Variants in PDXK observed in about 807,000 individuals in gnomAD.
PDXK encodes the protein pyridoxal kinase, also known as epididymis secretory sperm binding protein Li 1a.
PDXK carries 15 observed loss-of-function variants against 43.2 expected under a neutral mutation model. The ratio of observed to expected loss-of-function variants is 0.35; its 90% confidence interval spans 0.23 to 0.53. The LOEUF is 0.53. Among genes scored for constraint, PDXK ranks in the 20% least tolerant of loss-of-function variants. The pLI is 0.92. For missense variants in PDXK, 343 were observed against 417.0 expected, an observed-to-expected ratio of 0.82 and a Z score of 1.54; for synonymous variants, 172 against 165.4, an observed-to-expected ratio of 1.04 and a Z score of -0.31.
At position 43,753,796 on chromosome 21, in the gene PDXK, G is replaced by T. The variant is rs544355189; in HGVS notation, c.759+77G>T. 1.5e-5 allele frequency: 22 copies of T among 1,471,822 alleles called. No individual in the cohort carries two copies. In the Admixed American group the frequency reaches 3.4e-4, roughly 23 times the overall value. The allele number at this position is 1,471,822 out of a possible 1,614,324, so 91.2% of individuals were successfully genotyped here. A position where few individuals can be genotyped will look rare whatever the true frequency, so the allele number is the denominator to read the frequency against. On this transcript the variant is annotated intron_variant, in intron 9 of 10. Coordinates refer to ENST00000291565, the MANE Select transcript of PDXK (RefSeq NM_003681.5). ...GGGAGCAGGATATGAGAGTCCTGGTGGGGGGTCCCTGCTGAGCTGACAGGG... is the reference window on the plus strand; with the variant it reads ...GGGAGCAGGATATGAGAGTCCTGGTTGGGGGTCCCTGCTGAGCTGACAGGG...
In PDXK at chr21:43,759,850, C is replaced by G. The variant is rs1311867219; in HGVS notation, c.*3787C>G. ...CTGGAGAGGCGGCTCCCGTGTCCGT[C>G]CACCGAGCACTCAGATGGATGCTGA... is the stretch of plus-strand genomic sequence containing the variant. On this transcript the variant is annotated 3_prime_UTR_variant, in exon 11 of 11. Transcript: ENST00000291565. The G allele has an allele frequency of 6.6e-6, 1 of 152,226 alleles. No individual in the cohort carries two copies. The highest frequency in any genetic ancestry group is 1.5e-5 in the Non-Finnish European group (1 of 68,052). The allele number at this position is 152,226 out of a possible 1,614,324, so 9.4% of individuals were successfully genotyped here.
chr21:43,756,923 T>G lies in PDXK; in HGVS notation c.*860T>G, dbSNP rs934489434. On this transcript the variant is annotated 3_prime_UTR_variant, in exon 11 of 11. Transcript: ENST00000291565. ...ATCCGTGGTGCAGCAGGCTGAGCAC[T>G]GCGCGTTTGCCACGTGCTGCCCGTG... 2 of 152,358 alleles carry G rather than the reference T, an allele frequency of 1.3e-5. No individual in the cohort carries two copies. The highest frequency in any genetic ancestry group is 2.9e-5 in the Non-Finnish European group (2 of 68,116). The allele number at this position is 152,358 out of a possible 1,614,324, so 9.4% of individuals were successfully genotyped here.
intron 1 of PDXK, among the ~76,000 whole-genome samples, chr21:43,724,823 A>C (rs943240660): frequency 2.6e-4 from 39 of 151,486 alleles, no homozygotes; most frequent in Admixed American, 2.4e-3. Context: ...CCTGGGTGAC[A>C]GAGTGAGACC....
At chr21:43,730,763 G>A (rs1403044133) in intron 1 of PDXK, among the ~76,000 whole-genome samples, 2 of 152,076 alleles carry the variant, frequency 1.3e-5, no homozygotes, top group Non-Finnish European at 2.9e-5. Flanking sequence ...GGACTAGCCT[G>A]GACAACATAG....
At chr21:43,755,536 C>T (rs1601840603) in intron 9 of PDXK, 162 bp from the exon 10 acceptor site, 4 of 669,794 alleles carry the variant, frequency 6.0e-6, no homozygotes, top group Non-Finnish European at 1.1e-5. Context: ...CAGTCCGCAG[C>T]CTGTCCTCCA....
At chr21:43,722,339 C>G (rs1457542364) in intron 1 of PDXK, among the ~76,000 whole-genome samples, 1 of 152,218 alleles carries the variant, frequency 6.6e-6, no homozygotes, top group Non-Finnish European at 1.5e-5. Context: ...CAGCAGCTCA[C>G]ATGTTTCTGT....
intron 1 of PDXK, chr21:43,731,992 C>T (rs191241378): frequency 9.3e-4 from 259 of 277,110 alleles, no homozygotes; most frequent in African/African-American, 5.2e-3. Context: ...TGGGGGCATG[C>T]GATGAGGAAT....
Position 43,732,768 on chromosome 21 carries a change from G to A in PDXK, c.88-1301G>A. On this transcript the variant is annotated intron_variant, in intron 1 of 10. Transcript: ENST00000291565. The surrounding 1 kb of genome is among the most constrained non-coding windows in gnomAD (Gnocchi z 4.1). The stretch of plus-strand genomic sequence containing the variant: ...TTATTTTTATTTTTATGTTTTTTGA[G>A]ACATATTCTCACTCCGTCACCCAGG... The A allele has an allele frequency of 1.6e-6, 1 of 620,112 alleles. No homozygotes were observed. Among genetic ancestry groups the A allele is most frequent in the Non-Finnish European group, 2.8e-6 (1 of 353,240 alleles). The allele number at this position is 620,112 out of a possible 1,614,324, so 38.4% of individuals were successfully genotyped here.
chr21:43,753,849 T>A, intron 9 of PDXK, 130 bp downstream of exon 9: 1 of 1,077,882 alleles, frequency 9.3e-7, no homozygotes, highest in Non-Finnish European at 1.3e-6. Flanking sequence ...GCCCCAGTTG[T>A]GGGGGAGGGC....
chr21:43,726,294 A>T (rs1601782024), intron 1 of PDXK, among the ~76,000 whole-genome samples: 1 of 108,254 alleles, frequency 9.2e-6, no homozygotes, highest in Admixed American at 1.2e-4. Flanking sequence ...TTTTTTTGAG[A>T]CGGAGTCTCA....
chr21:43,740,911 G>T (rs1013338400), intron 2 of PDXK: 2 of 147,450 alleles, frequency 1.4e-5, no homozygotes, highest in African/African-American at 4.9e-5. Context: ...GCCGGTGGCC[G>T]AGCACCCCGG....
chr21:43,730,949 T>C lies in PDXK; in HGVS notation c.88-3120T>C, dbSNP rs529391667. Among the ~76,000 whole-genome samples, 6 of 152,300 alleles carry C rather than the reference T, an allele frequency of 3.9e-5. No homozygotes were observed. The East Asian group carries it at 1.2e-3, about 29-fold the overall frequency. ...CAGCCTGGGTGATAGAGTGAGACCCTGTCTCAAAAAATAATAATATAATTT... is the reference window on the plus strand; with the variant it reads ...CAGCCTGGGTGATAGAGTGAGACCCCGTCTCAAAAAATAATAATATAATTT... On this transcript the variant is annotated intron_variant, in intron 1 of 10. Coordinates refer to ENST00000291565, the MANE Select transcript of PDXK (RefSeq NM_003681.5).
intron 4 of PDXK, chr21:43,745,688 A>G (rs1012305235): frequency 5.2e-5 from 10 of 193,470 alleles, no homozygotes; most frequent in African/African-American, 1.8e-4. Flanking sequence ...TCAACTTGGC[A>G]GCTTAAAAAA....
intron 2 of PDXK, among the ~76,000 whole-genome samples, chr21:43,736,318 G>T (rs1217477480): frequency 1.3e-5 from 2 of 152,184 alleles, no homozygotes; most frequent in Non-Finnish European, 2.9e-5. Flanking sequence ...GCGCTCCCCG[G>T]GCTGTCTCAG....
chr21:43,736,975 C>T (rs2083414416), intron 2 of PDXK: 1 of 702,834 alleles, frequency 1.4e-6, no homozygotes, highest in African/African-American at 1.7e-5. Context: ...GTCTCTGTCG[C>T]CCAGGCTGGC....
rs564186294 is a variant in PDXK, at chr21:43,744,829, G to A, written c.331+1022G>A. On this transcript the variant is annotated intron_variant, in intron 4 of 10. Coordinates refer to ENST00000291565, the MANE Select transcript of PDXK (RefSeq NM_003681.5). ...TGCGTATTCCCACGTCTATAGCAGCGTTGTTCCCAGTGACCAAATGTGGAA... is the reference window on the plus strand; with the variant it reads ...TGCGTATTCCCACGTCTATAGCAGCATTGTTCCCAGTGACCAAATGTGGAA... Among the ~76,000 whole-genome samples, 6 of 152,344 alleles carry A rather than the reference G, an allele frequency of 3.9e-5. No homozygotes were observed. In the East Asian group the frequency reaches 7.7e-4, roughly 20 times the overall value.
At position 43,745,806 on chromosome 21, in the gene PDXK, C is replaced by T. The variant is rs539272196; in HGVS notation, c.332-273C>T. 58 of 442,628 alleles carry T rather than the reference C, an allele frequency of 1.3e-4. 1 individual carries two copies. The South Asian group carries it at 1.4e-3, about 10-fold the overall frequency. The allele number at this position is 442,628 out of a possible 1,614,324, so 27.4% of individuals were successfully genotyped here. On this transcript the variant is annotated intron_variant, in intron 4 of 10. Transcript: ENST00000291565. ...AAGCCTAGGAGTTCAAAACCAGCCT[C>T]GGCAACATGGTGAGAACCCATCTGT... is the stretch of plus-strand genomic sequence containing the variant.
chr21:43,741,920 A>G, intron 3 of PDXK, 149 bp downstream of exon 3: 1 of 647,668 alleles, frequency 1.5e-6, no homozygotes, highest in East Asian at 2.8e-5. Context: ...CCACCATCAC[A>G]CCCCCGGTAG....
intron 1 of PDXK, among the ~76,000 whole-genome samples, chr21:43,725,329 A>G (rs760720967): frequency 6.6e-6 from 1 of 152,068 alleles, no homozygotes; most frequent in Non-Finnish European, 1.5e-5. Context: ...GTCTCAAAAC[A>G]AAACAAAACA....
Sources: allele counts gnomAD v4.1 joint callset (sites outside exome capture counted in the v4.1 genomes callset), GRCh38; gene constraint gnomAD v4.1.1; non-coding constraint Gnocchi (gnomAD v3.1); transcripts MANE v1.5; gene names NCBI Gene and HGNC (gene_info 2026-07-23, HGNC 2026-07-21).